LRRC7: variants seen among roughly 807,000 people sequenced by gnomAD.
The protein encoded by LRRC7 is leucine-rich repeat-containing protein 7.
Under a neutral mutation model 175.7 loss-of-function variants are expected in LRRC7, and 23 were observed. The observed-to-expected ratio is 0.13, with a 90% CI of 0.09 to 0.19. LRRC7 has a LOEUF of 0.19. Among genes scored for constraint, LRRC7 ranks in the 10% least tolerant of loss-of-function variants. LRRC7 has a pLI of 1.00. For synonymous variants in LRRC7, 685 were observed against 680.9 expected, an observed-to-expected ratio of 1.01 and a Z score of -0.09; for missense variants, 1,354 against 1,904.7, an observed-to-expected ratio of 0.71 and a Z score of 5.38.
At chr1:69,914,749 G>T (rs1051120099) in intron 7 of LRRC7, among the ~76,000 whole-genome samples, 2 of 152,006 alleles carry the variant, frequency 1.3e-5, no homozygotes, top group Non-Finnish European at 2.9e-5. Flanking sequence ...TCCAAATCTG[G>T]CAAGTCTGTT....
intron 1 of LRRC7, among the ~76,000 whole-genome samples, chr1:69,626,384 T>TAAAA (rs10546011): frequency 2.3e-5 from 3 of 130,116 alleles, no homozygotes; most frequent in Non-Finnish European, 3.2e-5. Context: ...ACTTAGAATC[T>TAAAA]AAAAAAAAAA....
rs1670734357 is a variant in LRRC7, at chr1:69,758,954, A to G, written c.101-1237A>G. Among the ~76,000 whole-genome samples the G allele has an allele frequency of 2.0e-5, 3 of 152,154 alleles. No homozygotes were observed. The South Asian group carries it at 6.2e-4, about 32-fold the overall frequency. ...GCAAGTTTCAAATTCATGTTTATTA[A>G]GTTTTAATTCTGTAGTTGGCAAACT... On this transcript the variant is annotated intron_variant, in intron 2 of 26. Transcript: ENST00000651989.
intron 7 of LRRC7, among the ~76,000 whole-genome samples, chr1:69,920,768 CCTA>C (rs1231064446): frequency 1.3e-5 from 2 of 152,148 alleles, no homozygotes; most frequent in Non-Finnish European, 2.9e-5. Context: ...AAGCAGGTGA[CCTA>C]CTATTCCTAT....
At chr1:69,579,247 G>A (rs1252261301) in intron 1 of LRRC7, among the ~76,000 whole-genome samples, 1 of 152,110 alleles carries the variant, frequency 6.6e-6, no homozygotes, top group Non-Finnish European at 1.5e-5. Context: ...TTTTCTGGAT[G>A]TGAGTCAAGT....
At chr1:69,860,572 G>A (rs1684255006) in intron 7 of LRRC7, among the ~76,000 whole-genome samples, 1 of 151,792 alleles carries the variant, frequency 6.6e-6, no homozygotes, top group African/African-American at 2.4e-5. Flanking sequence ...ATACTAGAAT[G>A]AATAAGAATA....
chr1:69,933,704 C>T (rs1647631912), intron 8 of LRRC7, among the ~76,000 whole-genome samples: 1 of 152,054 alleles, frequency 6.6e-6, no homozygotes, highest in Non-Finnish European at 1.5e-5. Flanking sequence ...TCTGCAAGTG[C>T]TTCATATGAA....
At chr1:69,788,325 T>G (rs1674725614) in intron 3 of LRRC7, among the ~76,000 whole-genome samples, 1 of 152,212 alleles carries the variant, frequency 6.6e-6, no homozygotes, top group Non-Finnish European at 1.5e-5. Context: ...AGAGCTCATT[T>G]TATACAATAA....
At position 69,819,078 on chromosome 1, in the gene LRRC7, T is replaced by C. The variant is rs572964978; in HGVS notation, c.422-6670T>C. Among the ~76,000 whole-genome samples, 7 of 152,270 alleles carry C rather than the reference T, an allele frequency of 4.6e-5. No individual in the cohort carries two copies. In the East Asian group the frequency reaches 1.2e-3, roughly 25 times the overall value. On this transcript the variant is annotated intron_variant, in intron 4 of 26. Coordinates refer to ENST00000651989, the MANE Select transcript of LRRC7 (RefSeq NM_001370785.2). ...TCTTTTCTGATTTTTCTTTTGTCAC[T>C]GCTTCATTTACTGCTGCTCTGATAT...
chr1:69,678,983 T>C (rs573422976), intron 2 of LRRC7, among the ~76,000 whole-genome samples: 1 of 152,218 alleles, frequency 6.6e-6, no homozygotes, highest in South Asian at 2.1e-4. Flanking sequence ...TTTGATTTAA[T>C]TGAATTTAGG....
chr1:70,136,810 G>A lies in LRRC7; in HGVS notation c.*14923G>A, dbSNP rs1204563024. Among the ~76,000 whole-genome samples, 2 of 140,266 alleles carry A rather than the reference G, an allele frequency of 1.4e-5. No homozygotes were observed. The highest frequency in any genetic ancestry group is 3.0e-5 in the Non-Finnish European group (2 of 66,220). 92.0% of individuals were successfully genotyped at this position (140,266 alleles called of 152,430 possible). A position where few individuals can be genotyped will look rare whatever the true frequency, so the allele number is the denominator to read the frequency against. ...AGTGGCATGATCATGGCCCACTGCA[G>A]CCTTGACCACCTGGGCTCAAGTGAT... On this transcript the variant is annotated 3_prime_UTR_variant, in exon 27 of 27. Coordinates refer to ENST00000651989, the MANE Select transcript of LRRC7 (RefSeq NM_001370785.2).
intron 26 of LRRC7, among the ~76,000 whole-genome samples, chr1:70,109,522 C>A (rs941491284): frequency 6.6e-6 from 1 of 152,116 alleles, no homozygotes; most frequent in Non-Finnish European, 1.5e-5. Flanking sequence ...AGCTGAGAAA[C>A]AATAAAAACC....
chr1:69,922,278 T>A (rs1646914347), intron 7 of LRRC7, among the ~76,000 whole-genome samples: 1 of 152,200 alleles, frequency 6.6e-6, no homozygotes, highest in Admixed American at 6.5e-5. Flanking sequence ...CACCATGATC[T>A]CTTCCATCCT....
At chr1:69,769,559 G>A (rs1335637957) in intron 3 of LRRC7, among the ~76,000 whole-genome samples, 1 of 152,072 alleles carries the variant, frequency 6.6e-6, no homozygotes, top group Non-Finnish European at 1.5e-5. Flanking sequence ...AAGTGTATAT[G>A]AAGCATAAAT....
intron 3 of LRRC7, among the ~76,000 whole-genome samples, chr1:69,771,767 A>G (rs1365780665): frequency 6.6e-6 from 1 of 152,192 alleles, no homozygotes; most frequent in Non-Finnish European, 1.5e-5. Flanking sequence ...CAAAAGGAGC[A>G]TGTAAATCAA....
intron 23 of LRRC7, among the ~76,000 whole-genome samples, chr1:70,066,032 T>G (rs960545210): frequency 6.6e-6 from 1 of 151,976 alleles, no homozygotes; most frequent in African/African-American, 2.4e-5. Context: ...TGGTTGACCT[T>G]CAAGTGCAGT....
At chr1:70,007,048 A>G (rs1436413810) in intron 11 of LRRC7, among the ~76,000 whole-genome samples, 2 of 152,086 alleles carry the variant, frequency 1.3e-5, no homozygotes, top group Non-Finnish European at 2.9e-5. Flanking sequence ...TCTTCATTAT[A>G]TTGGCCTGAT....
intron 7 of LRRC7, among the ~76,000 whole-genome samples, chr1:69,887,668 C>T (rs550701678): frequency 7.9e-5 from 12 of 152,178 alleles, no homozygotes; most frequent in South Asian, 2.1e-4. Flanking sequence ...TGAGGAACTG[C>T]GTTCCTTTGG....
intron 2 of LRRC7, among the ~76,000 whole-genome samples, chr1:69,746,277 A>T (rs990051931): frequency 1.3e-5 from 2 of 152,052 alleles, no homozygotes; most frequent in African/African-American, 4.8e-5. Flanking sequence ...TTTTCAAGAC[A>T]TTTTTGAAAT....
intron 7 of LRRC7, among the ~76,000 whole-genome samples, chr1:69,894,971 A>C (rs1188425683): frequency 2.0e-5 from 3 of 152,224 alleles, no homozygotes; most frequent in African/African-American, 7.2e-5. Context: ...TCACACCTGT[A>C]ATCCCAGCAC....
Sources: gnomAD v4.1 joint callset for allele counts (sites outside exome capture counted in the v4.1 genomes callset) on GRCh38, gnomAD v4.1.1 for gene constraint, MANE v1.5 for transcripts, NCBI Gene and HGNC (gene_info 2026-07-23, HGNC 2026-07-21) for gene names.